The following GPC3 variants were observed in gnomAD, a reference collection of about 807,000 sequenced individuals.
The protein encoded by GPC3 is glypican 3.
A neutral mutation model predicts 34.4 loss-of-function variants in GPC3; 3 were observed. That is an observed-to-expected ratio of 0.09 (90% CI 0.04 to 0.23). The LOEUF is 0.23. Among genes scored for constraint, GPC3 ranks in the 10% least tolerant of loss-of-function variants. GPC3 has a pLI of 1.00. For missense variants in GPC3, 351 were observed against 445.6 expected (o/e 0.79, Z 1.91); for synonymous variants, 177 against 174.0 (o/e 1.02, Z -0.13).
At chrX:133,818,482 G>C (rs1288460419) in intron 2 of GPC3, among the ~76,000 whole-genome samples, 1 of 111,622 alleles carries the variant, frequency 9.0e-6, no homozygotes, top group African/African-American at 3.3e-5. Context: ...GGTGTTTCCA[G>C]AGTTAGTCTA....
intron 2 of GPC3, among the ~76,000 whole-genome samples, chrX:133,912,840 A>G (rs2076206890): frequency 8.9e-6 from 1 of 111,887 alleles, no homozygotes. Context: ...TATAAAGCAC[A>G]TATCACAATG....
At position 133,535,889 on chromosome X, in the gene GPC3, T is replaced by C. The variant is rs887836509; in HGVS notation, c.*235A>G. 6 of 379,263 alleles carry C rather than the reference T, an allele frequency of 1.6e-5. No individual in the cohort carries two copies. In the Admixed American group the frequency reaches 2.3e-4, roughly 15 times the overall value. The allele number at this position is 379,263 out of a possible 1,213,427, so 31.3% of individuals were successfully genotyped here. A position where few individuals can be genotyped will look rare whatever the true frequency, so the allele number is the denominator to read the frequency against. On this transcript the variant is annotated 3_prime_UTR_variant, in exon 8 of 8. Coordinates refer to ENST00000370818, the MANE Select transcript of GPC3 (RefSeq NM_004484.4). The stretch of plus-strand genomic sequence containing the variant: ...ATAATTTGGCACAACTTGATGGTTT[T>C]TTTTCTTTCTTTGCAAAAGGACAAT...
At chrX:133,621,733 T>C (rs909263126) in intron 6 of GPC3, among the ~76,000 whole-genome samples, 1 of 112,406 alleles carries the variant, frequency 8.9e-6, no homozygotes, top group South Asian at 3.7e-4. Context: ...GGGCAGGGCA[T>C]AGCTGAACAA....
At chrX:133,950,674 C>T (rs749575937) in intron 2 of GPC3, among the ~76,000 whole-genome samples, 16 of 111,659 alleles carry the variant, frequency 1.4e-4, no homozygotes, top group East Asian at 5.6e-4. Context: ...GAATAATAAA[C>T]GGTCATAAGA....
At position 133,912,911 on chromosome X, in the gene GPC3, G is replaced by A. The variant is rs779106169; in HGVS notation, c.337+40139C>T. ...GCAGTAAGAAATATAGGACTAGGCC[G>A]GGCGTGGTGGTGCACGCCTGTAGTC... On this transcript the variant is annotated intron_variant, in intron 2 of 7. Coordinates refer to ENST00000370818, the MANE Select transcript of GPC3 (RefSeq NM_004484.4). Among the ~76,000 whole-genome samples the A allele has an allele frequency of 6.4e-5, 7 of 110,170 alleles. No homozygotes were observed. In the South Asian group the frequency reaches 2.0e-3, roughly 31 times the overall value.
intron 6 of GPC3, among the ~76,000 whole-genome samples, chrX:133,654,825 C>T (rs2070639250): frequency 8.9e-6 from 1 of 112,051 alleles, no homozygotes; most frequent in Admixed American, 9.4e-5. Flanking sequence ...TATTTCTAAA[C>T]TTCATAAACC....
At chrX:133,851,826 C>T (rs779765904) in intron 2 of GPC3, among the ~76,000 whole-genome samples, 11 of 111,892 alleles carry the variant, frequency 9.8e-5, no homozygotes, top group Non-Finnish European at 1.9e-4. Context: ...CATGCATCTC[C>T]CTAGGATTTC....
chrX:133,905,420 G>A (rs2076163646), intron 2 of GPC3, among the ~76,000 whole-genome samples: 1 of 112,398 alleles, frequency 8.9e-6, no homozygotes, highest in Non-Finnish European at 1.9e-5. Context: ...ACATTTGCCA[G>A]AGCAGTGACA....
intron 2 of GPC3, among the ~76,000 whole-genome samples, chrX:133,915,507 T>C (rs2076220282): frequency 1.8e-5 from 2 of 112,141 alleles, no homozygotes; most frequent in East Asian, 5.6e-4. Context: ...CTTTAGTACT[T>C]CAACCCAGAG....
chrX:133,568,967 G>C (rs2069603228), intron 7 of GPC3, among the ~76,000 whole-genome samples: 1 of 111,047 alleles, frequency 9.0e-6, no homozygotes, highest in African/African-American at 3.3e-5. Flanking sequence ...AGGAGTTCGA[G>C]ACCAGCCTGG....
chrX:133,806,852 G>A (rs768920431), intron 2 of GPC3, among the ~76,000 whole-genome samples: 13 of 110,188 alleles, frequency 1.2e-4, no homozygotes, highest in African/African-American at 3.3e-4. Flanking sequence ...GTTTCACCGC[G>A]TTAGCCAGGA....
At chrX:133,576,035 C>T (rs2069677110) in intron 7 of GPC3, among the ~76,000 whole-genome samples, 2 of 111,978 alleles carry the variant, frequency 1.8e-5, no homozygotes, top group South Asian at 3.8e-4. Context: ...AGGCGCAGAA[C>T]TCTTCTTGCT....
chrX:133,927,381 G>A (rs2076280062), intron 2 of GPC3, among the ~76,000 whole-genome samples: 1 of 110,964 alleles, frequency 9.0e-6, no homozygotes, highest in Admixed American at 9.6e-5. Context: ...AGAAATACAT[G>A]GGGAAAAGTT....
chrX:133,799,667 G>T (rs1047528105), intron 2 of GPC3, among the ~76,000 whole-genome samples: 7 of 111,391 alleles, frequency 6.3e-5, no homozygotes, highest in African/African-American at 2.3e-4. Flanking sequence ...GACCCTTAAA[G>T]CTACAGTTTA....
At chrX:133,861,775 T>C (rs2124567638) in intron 2 of GPC3, among the ~76,000 whole-genome samples, 1 of 111,242 alleles carries the variant, frequency 9.0e-6, no homozygotes, top group East Asian at 2.9e-4. Context: ...TTGCTCCTGC[T>C]CTGGCCATGT....
In GPC3 at chrX:133,925,964, G is replaced by A. The variant is rs183481172; in HGVS notation, c.337+27086C>T. On this transcript the variant is annotated intron_variant, in intron 2 of 7. Transcript: ENST00000370818. ...AACTAAAGCTAACCAAAAATTAAAC[G>A]GCTGCCTCTTAGGGGAGGGAGTTCT... 1.4e-4 allele frequency among the ~76,000 whole-genome samples: 16 copies of A among 111,268 alleles called. No individual in the cohort carries two copies. The East Asian group carries it at 2.0e-3, about 14-fold the overall frequency.
At chrX:133,672,702 G>T (rs2070840839) in intron 5 of GPC3, among the ~76,000 whole-genome samples, 1 of 112,277 alleles carries the variant, frequency 8.9e-6, no homozygotes, top group South Asian at 3.7e-4. Flanking sequence ...CCAGGCTGGA[G>T]TGCAGTGGCG....
At chrX:133,816,305 T>G (rs142343967) in intron 2 of GPC3, among the ~76,000 whole-genome samples, 2,067 of 111,857 alleles carry the variant, frequency 0.018, 44 homozygotes, top group African/African-American at 0.063. Context: ...TCCTCCTGCC[T>G]TGGTCTCCCA....
intron 7 of GPC3, among the ~76,000 whole-genome samples, chrX:133,586,404 G>GA (rs908213043): frequency 1.8e-5 from 2 of 111,731 alleles, no homozygotes; most frequent in African/African-American, 6.5e-5. Flanking sequence ...ATATCTGTGT[G>GA]AAAAGTGTTA....
Sources: gnomAD v4.1 joint callset for allele counts (sites outside exome capture counted in the v4.1 genomes callset) on GRCh38, gnomAD v4.1.1 for gene constraint, MANE v1.5 for transcripts, NCBI Gene and HGNC (gene_info 2026-07-23, HGNC 2026-07-21) for gene names.